Variants in PRKG2 observed in about 807,000 individuals in gnomAD.
PRKG2 encodes cGMP-dependent protein kinase 2.
Under a neutral mutation model 97.2 loss-of-function variants are expected in PRKG2, and 33 were observed. The ratio of observed to expected loss-of-function variants is 0.34; its 90% CI spans 0.26 to 0.45. The LOEUF is 0.45. Ranked by LOEUF, PRKG2 falls within the 20% of genes least tolerant of loss-of-function variation. The probability of loss-of-function intolerance (pLI) is 1.00; values close to 1 mark genes in which losing one functional copy is unlikely to be tolerated. For synonymous variants in PRKG2, 330 were observed against 321.8 expected (o/e 1.03, Z -0.27); for missense variants, 638 against 900.0 (o/e 0.71, Z 3.73).
chr4:81,159,597 T>C (rs1460665298), intron 6 of PRKG2, among the ~76,000 whole-genome samples: 2 of 152,154 alleles, frequency 1.3e-5, no homozygotes, highest in Non-Finnish European at 2.9e-5. Flanking sequence ...GACCCAGCCA[T>C]CCTATTACTG....
intron 2 of PRKG2, among the ~76,000 whole-genome samples, chr4:81,177,802 TTAGA>T (rs770741660): frequency 1.1e-4 from 16 of 152,148 alleles, no homozygotes; most frequent in African/African-American, 3.1e-4. Context: ...TAAAAGCTGA[TTAGA>T]TAGATAGATA....
At chr4:81,115,937 T>C (rs1012264724) in intron 14 of PRKG2, among the ~76,000 whole-genome samples, 1 of 152,252 alleles carries the variant, frequency 6.6e-6, no homozygotes, top group African/African-American at 2.4e-5. Flanking sequence ...TTTATGCCTA[T>C]GTATCAACTA....
upstream of PRKG2, among the ~76,000 whole-genome samples, chr4:81,215,282 C>G (rs1238195395): frequency 6.6e-6 from 1 of 152,140 alleles, no homozygotes; most frequent in Non-Finnish European, 1.5e-5. Context: ...GGGGGTCAGC[C>G]GGGGCTACTG....
intron 17 of PRKG2, 56 bp from the exon 18 acceptor site, chr4:81,092,508 G>GGAAT: frequency 9.6e-7 from 1 of 1,045,456 alleles, no homozygotes; most frequent in Non-Finnish European, 1.4e-6. Flanking sequence ...AAGGAAGGAA[G>GGAAT]GAAGGGAGAA....
At chr4:81,122,422 C>G (rs1012295391) in intron 14 of PRKG2, among the ~76,000 whole-genome samples, 2 of 152,010 alleles carry the variant, frequency 1.3e-5, no homozygotes, top group African/African-American at 4.8e-5. Context: ...AAAAACAGCT[C>G]GAACCCAGGT....
chr4:81,145,685 C>T (rs2110047135), intron 9 of PRKG2, among the ~76,000 whole-genome samples: 1 of 152,256 alleles, frequency 6.6e-6, no homozygotes, highest in Admixed American at 6.5e-5. Flanking sequence ...TGCTTCCCTG[C>T]TTCTAACTCC....
chr4:81,206,100 CT>C (rs1753631239), intron 1 of PRKG2, among the ~76,000 whole-genome samples: 1 of 152,186 alleles, frequency 6.6e-6, no homozygotes, highest in Admixed American at 6.5e-5. Context: ...AATAAATCAT[CT>C]GCAGATAATA....
chr4:81,204,419 G>A (rs989851427), intron 2 of PRKG2, among the ~76,000 whole-genome samples, 168 bp downstream of exon 2: 1 of 152,044 alleles, frequency 6.6e-6, no homozygotes, highest in African/African-American at 2.4e-5. Flanking sequence ...TTAAACTTCT[G>A]CCCAATGGGA....
At chr4:81,214,128 G>C (rs573100790) in intron 1 of PRKG2, among the ~76,000 whole-genome samples, 1 of 149,716 alleles carries the variant, frequency 6.7e-6, no homozygotes, top group African/African-American at 2.5e-5. Flanking sequence ...GTGGGGTGGG[G>C]GCAGGTGTAT....
chr4:81,168,279 C>T (rs1431016070), intron 5 of PRKG2, among the ~76,000 whole-genome samples: 1 of 152,006 alleles, frequency 6.6e-6, no homozygotes, highest in East Asian at 1.9e-4. Context: ...TCTGTCTCCC[C>T]TCTCTGAAGG....
chr4:81,171,868 T>C, intron 3 of PRKG2, 64 bp from the exon 4 acceptor site: 1 of 1,126,220 alleles, frequency 8.9e-7, no homozygotes, highest in African/African-American at 1.6e-5. Context: ...ATACTATAAA[T>C]TAGTAAAATA....
At chr4:81,193,368 A>G (rs1403124093) in intron 2 of PRKG2, 6 of 152,172 alleles carry the variant, frequency 3.9e-5, no homozygotes, top group Admixed American at 3.9e-4. Context: ...CCTCAGCTGT[A>G]AAACAATAAT....
At chr4:81,154,826 A>G (rs1229925609) in intron 6 of PRKG2, among the ~76,000 whole-genome samples, 1 of 152,168 alleles carries the variant, frequency 6.6e-6, no homozygotes, top group Non-Finnish European at 1.5e-5. Context: ...ACTCTGAGCT[A>G]CGGGAGGACA....
intron 2 of PRKG2, among the ~76,000 whole-genome samples, chr4:81,191,300 G>A (rs1488506272): frequency 6.6e-6 from 1 of 152,046 alleles, no homozygotes; most frequent in East Asian, 1.9e-4. Flanking sequence ...GGATGAAGCT[G>A]GAAACCATCA....
In PRKG2 at chr4:81,181,370, A is replaced by G. The variant is rs1047031188; in HGVS notation, c.462-6411T>C. 2.0e-5 allele frequency among the ~76,000 whole-genome samples: 3 copies of G among 151,918 alleles called. No individual in the cohort carries two copies. In the East Asian group the frequency reaches 5.8e-4, roughly 29 times the overall value. On this transcript the variant is annotated intron_variant, in intron 2 of 18. Transcript: ENST00000264399. Reference sequence around the variant, plus strand: ...TAATAAAATATGACATAAAACTTGTAAGATGCAGTTAAAATGATGCATAGA... The same window carrying G: ...TAATAAAATATGACATAAAACTTGTGAGATGCAGTTAAAATGATGCATAGA...
intron 6 of PRKG2, among the ~76,000 whole-genome samples, chr4:81,165,389 C>T (rs1749893298): frequency 6.6e-6 from 1 of 152,100 alleles, no homozygotes; most frequent in Non-Finnish European, 1.5e-5. Context: ...CAGATTTAGC[C>T]TGTTTTTTTC....
intron 15 of PRKG2, among the ~76,000 whole-genome samples, chr4:81,109,820 A>G (rs74669138): frequency 6.2e-4 from 94 of 152,250 alleles, no homozygotes; most frequent in African/African-American, 2.1e-3. Flanking sequence ...TAATGTGTGT[A>G]TGTGCATTTA....
intron 2 of PRKG2, among the ~76,000 whole-genome samples, chr4:81,198,523 C>G (rs1238410011): frequency 1.3e-5 from 2 of 152,112 alleles, no homozygotes; most frequent in Non-Finnish European, 2.9e-5. Context: ...AGCCCCCAGC[C>G]TGGTTATACA....
At chr4:81,166,500 A>C (rs1024298973) in intron 6 of PRKG2, among the ~76,000 whole-genome samples, 12 of 152,114 alleles carry the variant, frequency 7.9e-5, no homozygotes, top group Non-Finnish European at 5.9e-5. Flanking sequence ...TTTTCACAAA[A>C]TGCATATCGT....
Sources: gnomAD v4.1 joint callset for allele counts (sites outside exome capture counted in the v4.1 genomes callset) on GRCh38, gnomAD v4.1.1 for gene constraint, MANE v1.5 for transcripts, NCBI Gene and HGNC (gene_info 2026-07-23, HGNC 2026-07-21) for gene names.